Variants in AGBL4 observed in about 807,000 individuals in gnomAD.
AGBL4 encodes the protein AGBL carboxypeptidase 4.
In AGBL4, 58 loss-of-function variants were observed where a neutral mutation model predicts 66.4. The ratio of observed to expected loss-of-function variants is 0.87; its 90% CI spans 0.71 to 1.09. AGBL4 has a LOEUF of 1.09. Among genes scored for constraint, AGBL4 ranks in the 50% least tolerant of loss-of-function variants. The pLI, the probability that AGBL4 is intolerant of heterozygous loss-of-function variation, is 0.00. For synonymous variants in AGBL4, 234 were observed against 222.9 expected (o/e 1.05, Z -0.44); for missense variants, 579 against 631.0 (o/e 0.92, Z 0.88).
chr1:49,175,155 A>T (rs911182883), intron 4 of AGBL4: 1 of 152,084 alleles, frequency 6.6e-6, no homozygotes, highest in Non-Finnish European at 1.5e-5. Context: ...GAAGTAAGGT[A>T]TAGGGGAAAG....
chr1:49,046,676 T>C (rs1403989974), intron 4 of AGBL4, among the ~76,000 whole-genome samples: 4 of 152,234 alleles, frequency 2.6e-5, no homozygotes, highest in Admixed American at 6.5e-5. Flanking sequence ...TTTCAAATCC[T>C]GCTAATCCTG....
chr1:49,441,256 G>A (rs1157200911), intron 3 of AGBL4, among the ~76,000 whole-genome samples: 1 of 152,138 alleles, frequency 6.6e-6, no homozygotes, highest in Non-Finnish European at 1.5e-5. Flanking sequence ...AACAGGCATG[G>A]GAATGGATAT....
chr1:48,892,604 G>T (rs968574615), intron 5 of AGBL4, among the ~76,000 whole-genome samples: 1 of 152,158 alleles, frequency 6.6e-6, no homozygotes, highest in Non-Finnish European at 1.5e-5. Context: ...AAGCGGGGAG[G>T]GGGCTTCAGG....
chr1:49,059,838 C>A (rs977916822), intron 4 of AGBL4, among the ~76,000 whole-genome samples: 12 of 151,986 alleles, frequency 7.9e-5, no homozygotes, highest in African/African-American at 2.9e-4. Flanking sequence ...TTGCATGGGG[C>A]CTGTTGGTCA....
At chr1:49,599,212 G>T (rs1186448705) in intron 3 of AGBL4, among the ~76,000 whole-genome samples, 1 of 152,126 alleles carries the variant, frequency 6.6e-6, no homozygotes, top group Non-Finnish European at 1.5e-5. Context: ...GTTAGAATTC[G>T]GCTGTGAATC....
chr1:49,349,267 C>G (rs1645700571), intron 3 of AGBL4, among the ~76,000 whole-genome samples: 2 of 152,178 alleles, frequency 1.3e-5, no homozygotes, highest in Non-Finnish European at 2.9e-5. Context: ...TAACTCTGAT[C>G]ATATTCTGTT....
At position 49,935,010 on chromosome 1, in the gene AGBL4, C is replaced by T. The variant is rs118057231; in HGVS notation, c.35-83492G>A. On this transcript the variant is annotated intron_variant, in intron 1 of 13. Coordinates refer to ENST00000371839, the MANE Select transcript of AGBL4 (RefSeq NM_032785.4). ...GACAGTGGGTGCAGCGCACCGTGTG[C>T]GAGTCAAAGCAGGGCAAGGCATTGC... Among the ~76,000 whole-genome samples the T allele has an allele frequency of 5.8e-4, 88 of 152,300 alleles. No individual in the cohort carries two copies. In the East Asian group the frequency reaches 0.015, roughly 25 times the overall value.
At position 49,256,831 on chromosome 1, in the gene AGBL4, C is replaced by T. The variant is rs143234303; in HGVS notation, c.283-10967G>A. 6.6e-4 allele frequency among the ~76,000 whole-genome samples: 101 copies of T among 152,174 alleles called. No homozygotes were observed. In the East Asian group the frequency reaches 0.01, roughly 16 times the overall value. On this transcript the variant is annotated intron_variant, in intron 3 of 13. Transcript: ENST00000371839. ...TCACAACAAAGAGCCTGGGAATAGACGCAATACATATTAAAAACAATATCG... is the reference window on the plus strand; with the variant it reads ...TCACAACAAAGAGCCTGGGAATAGATGCAATACATATTAAAAACAATATCG...
chr1:48,560,231 C>T (rs1365864623), intron 11 of AGBL4, among the ~76,000 whole-genome samples: 2 of 152,182 alleles, frequency 1.3e-5, no homozygotes, highest in Non-Finnish European at 2.9e-5. Context: ...TTAGTGTATG[C>T]TGGTAACTAT....
intron 3 of AGBL4, among the ~76,000 whole-genome samples, chr1:49,417,156 T>G (rs1645444586): frequency 6.6e-6 from 1 of 152,028 alleles, no homozygotes; most frequent in East Asian, 1.9e-4. Context: ...TAGGCTATGA[T>G]CAGAGAAGGC....
chr1:49,027,882 G>C (rs1364857488), intron 5 of AGBL4, among the ~76,000 whole-genome samples: 1 of 152,214 alleles, frequency 6.6e-6, no homozygotes, highest in East Asian at 1.9e-4. Context: ...GAAGACCAGG[G>C]GCTACTGTCC....
At chr1:49,227,976 T>C (rs1383868601) in intron 4 of AGBL4, among the ~76,000 whole-genome samples, 1 of 152,132 alleles carries the variant, frequency 6.6e-6, no homozygotes, top group Non-Finnish European at 1.5e-5. Flanking sequence ...CTCAAGTACA[T>C]GAGAAGCCCC....
intron 4 of AGBL4, among the ~76,000 whole-genome samples, chr1:49,190,649 C>T (rs1342838490): frequency 6.6e-6 from 1 of 152,118 alleles, no homozygotes; most frequent in Non-Finnish European, 1.5e-5. Context: ...TTCTATAAAC[C>T]TATTATTAAA....
At chr1:49,300,521 C>T (rs530511951) in intron 3 of AGBL4, among the ~76,000 whole-genome samples, 25 of 152,224 alleles carry the variant, frequency 1.6e-4, no homozygotes, top group African/African-American at 5.1e-4. Context: ...GCTTTTATAG[C>T]GGTTCCCTGA....
chr1:49,228,195 T>C (rs1473003800), intron 4 of AGBL4, among the ~76,000 whole-genome samples: 12 of 152,330 alleles, frequency 7.9e-5, no homozygotes, highest in Non-Finnish European at 8.8e-5. Flanking sequence ...TTAAAGGTCA[T>C]ACTATAAATA....
intron 5 of AGBL4, among the ~76,000 whole-genome samples, chr1:48,899,235 G>T (rs2148866640): frequency 6.6e-6 from 1 of 152,352 alleles, no homozygotes; most frequent in South Asian, 2.1e-4. Flanking sequence ...CCACACCTGT[G>T]CGGGCGAGGG....
At chr1:49,561,288 T>C (rs150157627) in intron 3 of AGBL4, among the ~76,000 whole-genome samples, 2 of 151,620 alleles carry the variant, frequency 1.3e-5, no homozygotes, top group Non-Finnish European at 2.9e-5. Context: ...ATTTTTATTT[T>C]TTATTATTAT....
At chr1:49,060,745 T>C (rs1450852161) in intron 4 of AGBL4, among the ~76,000 whole-genome samples, 1 of 152,114 alleles carries the variant, frequency 6.6e-6, no homozygotes, top group East Asian at 1.9e-4. Flanking sequence ...TAGGACAATA[T>C]AGAGCCCTAT....
chr1:48,756,483 C>T (rs1225961321), intron 6 of AGBL4, among the ~76,000 whole-genome samples: 1 of 152,160 alleles, frequency 6.6e-6, no homozygotes, highest in Non-Finnish European at 1.5e-5. Flanking sequence ...TTACACTAGG[C>T]TAGGTCCCTG....
Sources: allele counts gnomAD v4.1 joint callset (sites outside exome capture counted in the v4.1 genomes callset), GRCh38; gene constraint gnomAD v4.1.1; transcripts MANE v1.5; gene names NCBI Gene and HGNC (gene_info 2026-07-23, HGNC 2026-07-21).